The following RARB variants were observed in gnomAD, a reference collection of about 807,000 sequenced individuals.
The protein encoded by RARB is retinoic acid receptor beta.
In RARB, 17 loss-of-function variants were observed where a neutral mutation model predicts 51.9. The observed-to-expected ratio is 0.33, with a 90% CI of 0.22 to 0.49. RARB has a LOEUF of 0.49. RARB is among the 20% of genes least tolerant of loss of function. RARB has a pLI of 0.99. For missense variants in RARB, 369 were observed against 550.8 expected (o/e 0.67, Z 3.30); for synonymous variants, 215 against 195.4 (o/e 1.10, Z -0.84).
At chr3:25,050,709 A>T (rs1168237344) in intron 2 of RARB, among the ~76,000 whole-genome samples, 1 of 152,170 alleles carries the variant, frequency 6.6e-6, no homozygotes, top group Non-Finnish European at 1.5e-5. Context: ...ATAGAAAAAG[A>T]TTTAACTCTT....
At chr3:25,593,824 TA>T in intron 6 of RARB, 117 bp downstream of exon 6, 1 of 974,794 alleles carries the variant, frequency 1.0e-6, no homozygotes, top group South Asian at 1.6e-5. Flanking sequence ...AACATGTGAA[TA>T]AAGCCAGGCA....
At chr3:24,865,788 A>T (rs773400339) in intron 2 of RARB, among the ~76,000 whole-genome samples, 15 of 152,198 alleles carry the variant, frequency 9.9e-5, no homozygotes, top group Non-Finnish European at 1.6e-4. Flanking sequence ...AATATTGTCT[A>T]TTGCAGCATG....
chr3:24,875,948 T>G (rs1703035484), intron 2 of RARB, among the ~76,000 whole-genome samples: 1 of 152,256 alleles, frequency 6.6e-6, no homozygotes, highest in African/African-American at 2.4e-5. Flanking sequence ...AATAGTTGCT[T>G]CTTCAGTTTG....
At chr3:25,000,591 C>G (rs540717624) in intron 2 of RARB, among the ~76,000 whole-genome samples, 2 of 152,102 alleles carry the variant, frequency 1.3e-5, no homozygotes, top group Admixed American at 6.5e-5. Flanking sequence ...GTAATTTATT[C>G]TGTACCCCTG....
rs1034960604 is a variant in RARB, at chr3:25,514,226, A to C, written c.448+12903A>C. ...ACAGTCTGGAATTTGCTCCTCCTGGAGTGGTATCAAGGACTTAAACTCTAT... is the reference window on the plus strand; with the variant it reads ...ACAGTCTGGAATTTGCTCCTCCTGGCGTGGTATCAAGGACTTAAACTCTAT... On this transcript the variant is annotated intron_variant, in intron 3 of 7. Coordinates refer to ENST00000330688, the MANE Select transcript of RARB (RefSeq NM_000965.5). 2.0e-5 allele frequency among the ~76,000 whole-genome samples: 3 copies of C among 152,264 alleles called. No homozygotes were observed. In the East Asian group the frequency reaches 5.8e-4, roughly 29 times the overall value.
chr3:25,312,615 GA>G (rs1704317100), intron 5 of RARB, among the ~76,000 whole-genome samples: 1 of 152,200 alleles, frequency 6.6e-6, no homozygotes, highest in African/African-American at 2.4e-5. Context: ...AGAAGCCTGA[GA>G]TAATAATGCA....
intron 3 of RARB, among the ~76,000 whole-genome samples, chr3:25,103,769 G>A (rs1575161745): frequency 6.6e-6 from 1 of 152,180 alleles, no homozygotes; most frequent in Admixed American, 6.5e-5. Flanking sequence ...ATTATGAATG[G>A]GGTTCTTATT....
chr3:25,415,805 T>A (rs1707686920), intron 5 of RARB, among the ~76,000 whole-genome samples: 1 of 152,248 alleles, frequency 6.6e-6, no homozygotes, highest in Admixed American at 6.5e-5. Flanking sequence ...ATTCATTCAT[T>A]CAGCAAATAC....
At chr3:25,001,562 ACCT>A (rs1303606232) in intron 2 of RARB, among the ~76,000 whole-genome samples, 1 of 151,922 alleles carries the variant, frequency 6.6e-6, no homozygotes, top group African/African-American at 2.4e-5. Context: ...CTGTGGCCCC[ACCT>A]CCTCAGAATT....
rs144850153 is a variant in RARB at position 25,514,375 on chromosome 3, A to G, written c.448+13052A>G. On this transcript the variant is annotated intron_variant, in intron 3 of 7. Coordinates refer to ENST00000330688, the MANE Select transcript of RARB (RefSeq NM_000965.5). ...TATCTGATGAATTAGATTAATGAAG[A>G]CAGGCATCTTTTAGTACTGGGACCA... Among the ~76,000 whole-genome samples, 647 of 152,336 alleles carry G rather than the reference A, an allele frequency of 4.2e-3. 4 individuals carry two copies. Among genetic ancestry groups the G allele is most frequent in the African/African-American group, 0.014 (589 of 41,572 alleles).
intron 2 of RARB, among the ~76,000 whole-genome samples, chr3:25,486,629 T>C (rs1696488485): frequency 6.6e-6 from 1 of 152,200 alleles, no homozygotes; most frequent in African/African-American, 2.4e-5. Context: ...ATAGTCATTA[T>C]CTGTATATAC....
At chr3:25,526,941 G>A (rs1355296163) in intron 3 of RARB, among the ~76,000 whole-genome samples, 2 of 152,194 alleles carry the variant, frequency 1.3e-5, no homozygotes, top group African/African-American at 4.8e-5. Flanking sequence ...AATTAAGCAT[G>A]CAACTGGAAG....
At chr3:24,832,946 T>C (rs1702301247) in intron 1 of RARB, 1 of 152,156 alleles carries the variant, frequency 6.6e-6, no homozygotes, top group African/African-American at 2.4e-5. Flanking sequence ...AAACAAACTC[T>C]GGATCCCATA....
intron 5 of RARB, among the ~76,000 whole-genome samples, chr3:25,403,939 T>C (rs1707335302): frequency 6.6e-6 from 1 of 150,718 alleles, no homozygotes; most frequent in Non-Finnish European, 1.5e-5. Context: ...AAGCTTATAG[T>C]TATAGGCCAA....
intron 3 of RARB, among the ~76,000 whole-genome samples, chr3:25,556,679 A>G (rs1031277960): frequency 5.9e-5 from 9 of 152,178 alleles, no homozygotes; most frequent in African/African-American, 2.2e-4. Context: ...CATGCCATTG[A>G]CCACATGGGG....
At chr3:25,198,648 C>G (rs1243130618) in intron 5 of RARB, among the ~76,000 whole-genome samples, 3 of 152,024 alleles carry the variant, frequency 2.0e-5, no homozygotes, top group Non-Finnish European at 4.4e-5. Flanking sequence ...AGATATTTCT[C>G]AAAAGAAGAC....
chr3:24,992,678 T>A (rs969999929), intron 2 of RARB, among the ~76,000 whole-genome samples: 6 of 151,996 alleles, frequency 3.9e-5, no homozygotes, highest in Non-Finnish European at 5.9e-5. Flanking sequence ...CCTTGGCTTA[T>A]AGATGGCCAT....
At chr3:25,325,345 C>T (rs1270339979) in intron 5 of RARB, among the ~76,000 whole-genome samples, 2 of 152,064 alleles carry the variant, frequency 1.3e-5, no homozygotes, top group East Asian at 1.9e-4. Flanking sequence ...TTTTGGCTGG[C>T]TTCTTTACCA....
chr3:24,922,603 C>T (rs902649205), intron 2 of RARB, among the ~76,000 whole-genome samples: 3 of 152,058 alleles, frequency 2.0e-5, no homozygotes, highest in African/African-American at 4.8e-5. Flanking sequence ...GAATGTGCCT[C>T]GAAATCTATG....
Sources: allele counts gnomAD v4.1 joint callset (sites outside exome capture counted in the v4.1 genomes callset), GRCh38; gene constraint gnomAD v4.1.1; transcripts MANE v1.5; gene names NCBI Gene and HGNC (gene_info 2026-07-23, HGNC 2026-07-21).